DBI: variants seen among roughly 807,000 people sequenced by gnomAD.
The protein encoded by DBI is acyl-CoA-binding protein.
In DBI, 12 loss-of-function variants were observed where a neutral mutation model predicts 13.0. The ratio of observed to expected loss-of-function variants is 0.92; its 90% CI spans 0.59 to 1.49. The LOEUF (loss-of-function observed/expected upper bound fraction) is 1.49, where lower values mean the gene tolerates loss of function less well. Among genes scored for constraint, DBI ranks in the 40% most tolerant of loss-of-function variants. The pLI is 0.00. For missense variants in DBI, 95 were observed against 104.8 expected (o/e 0.91, Z 0.41); for synonymous variants, 37 against 37.4 (o/e 0.99, Z 0.04).
rs571330549 is a variant in DBI at position 119,367,625 on chromosome 2, A to T, written c.10-563A>T. 6 of 1,613,974 alleles carry T rather than the reference A, an allele frequency of 3.7e-6. No individual in the cohort carries two copies. The African/African-American group carries it at 8.0e-5, about 22-fold the overall frequency. ...TGGCTCCTCCCGCCTGCCTCTGCCA[A>T]TCCGGGCACTGGGACAGAGGTCGGT... On this transcript the variant is annotated intron_variant, in intron 1 of 3. Transcript: ENST00000355857.
chr2:119,368,190 T>C lies in DBI; in HGVS notation c.12T>C (p.Ala4=). The change falls in exon 2 of 4, where the codon GCT becomes GCC. Residue 4 remains alanine (A), a splice_region_variant and synonymous_variant. Coordinates refer to ENST00000355857, the MANE Select transcript of DBI (RefSeq NM_001079862.4). ...CCTCTCCTCTCCCTTCCATTTAGGCTGAGTTTGAGAAAGCTGCAGAGGAGG... is the reference window on the plus strand; with the variant it reads ...CCTCTCCTCTCCCTTCCATTTAGGCCGAGTTTGAGAAAGCTGCAGAGGAGG... MSQ[A]EFEKAAEEVR... The C allele has an allele frequency of 6.2e-7, 1 of 1,613,132 alleles. No homozygotes were observed. Among genetic ancestry groups the C allele is most frequent in the Non-Finnish European group, 8.5e-7 (1 of 1,179,708 alleles).
At chr2:119,367,312 G>A in intron 1 of DBI, 5 of 1,436,698 alleles carry the variant, frequency 3.5e-6, no homozygotes, top group Non-Finnish European at 3.6e-6. Flanking sequence ...TGTAGCGGGA[G>A]AGGGGTGGGA....
At chr2:119,370,619 C>T in intron 2 of DBI, 121 bp from the exon 3 acceptor site, 1 of 862,968 alleles carries the variant, frequency 1.2e-6, no homozygotes, top group Non-Finnish European at 1.8e-6. Flanking sequence ...ACCTATTTAA[C>T]CCCATGACAG....
chr2:119,372,353 C>G lies in DBI; in HGVS notation c.*35C>G. 6.7e-7 allele frequency: 1 copy of G among 1,502,388 alleles called. No homozygotes were observed. The highest frequency in any genetic ancestry group is 1.1e-5 in the South Asian group (1 of 88,542). The allele number at this position is 1,502,388 out of a possible 1,614,324, so 93.1% of individuals were successfully genotyped here. Reference sequence around the variant, plus strand: ...TTTGGTTACTGTGCCATGTGTTTATCCTAAACTGAGACAATGCCTTGTTTT... The same window carrying G: ...TTTGGTTACTGTGCCATGTGTTTATGCTAAACTGAGACAATGCCTTGTTTT... On this transcript the variant is annotated 3_prime_UTR_variant, in exon 4 of 4. Coordinates refer to ENST00000355857, the MANE Select transcript of DBI (RefSeq NM_001079862.4).
chr2:119,369,939 C>A (rs1681392147), intron 2 of DBI, among the ~76,000 whole-genome samples: 1 of 152,144 alleles, frequency 6.6e-6, no homozygotes, highest in African/African-American at 2.4e-5. Context: ...TGTACATTTC[C>A]ATTTCCACCG....
intron 1 of DBI, chr2:119,367,861 G>T: frequency 6.2e-7 from 1 of 1,613,996 alleles, no homozygotes; most frequent in Non-Finnish European, 8.5e-7. Context: ...CCGCAGAGGG[G>T]ACCCCCACTG....
At chr2:119,367,917 C>A in intron 1 of DBI, 1 of 1,614,256 alleles carries the variant, frequency 6.2e-7, no homozygotes, top group Non-Finnish European at 8.5e-7. Context: ...ATTTCCAGAC[C>A]TGATGCCTGC....
At position 119,372,297 on chromosome 2, in the gene DBI, A is replaced by C; in HGVS notation, c.243A>C (p.Leu81=). The C allele has an allele frequency of 6.2e-7, 1 of 1,613,454 alleles. No individual in the cohort carries two copies. The highest frequency in any genetic ancestry group is 8.5e-7 in the Non-Finnish European group (1 of 1,179,418). Residue 81 remains leucine, a synonymous_variant, in exon 4 of 4, where the codon CTA becomes CTC. Transcript: ENST00000355857. ...MKAYINKVEE[L]KKKYGI is the part of the protein sequence containing the mutation. ...CTTACATCAACAAAGTAGAAGAGCT[A>C]AAGAAAAAATACGGGATATGAGAGA...
intron 3 of DBI, among the ~76,000 whole-genome samples, 191 bp downstream of exon 3, chr2:119,370,993 A>G (rs1222941717): frequency 6.6e-6 from 1 of 152,226 alleles, no homozygotes; most frequent in Non-Finnish European, 1.5e-5. Context: ...GCCTTTTCTA[A>G]AAGCACCATC....
intron 2 of DBI, among the ~76,000 whole-genome samples, chr2:119,369,772 C>A (rs1441221650): frequency 6.6e-6 from 1 of 151,782 alleles, no homozygotes; most frequent in Non-Finnish European, 1.5e-5. Context: ...GGCAACAGAA[C>A]GAGACTCTGT....
intron 1 of DBI, 120 bp downstream of exon 1, chr2:119,367,180 C>T (rs912618051): frequency 1.2e-5 from 18 of 1,518,598 alleles, no homozygotes; most frequent in Admixed American, 2.2e-5. Context: ...TGCTCATGGG[C>T]CCATGCCTAG....
At chr2:119,370,510 G>A in intron 2 of DBI, 1 of 362,348 alleles carries the variant, frequency 2.8e-6, no homozygotes, top group Non-Finnish European at 4.9e-6. Flanking sequence ...TAAGACAAAG[G>A]CTATCTTGTA....
chr2:119,367,696 C>T lies in DBI; in HGVS notation c.10-492C>T, dbSNP rs543257818. The T allele has an allele frequency of 6.8e-6, 11 of 1,611,626 alleles. No homozygotes were observed. In the South Asian group the frequency reaches 7.7e-5, roughly 11 times the overall value. ...GGGGAGGGAGGGGACCAACGGGCTC[C>T]GGCGCTGACACCGCGGCACTCATGC... On this transcript the variant is annotated intron_variant, in intron 1 of 3. Coordinates refer to ENST00000355857, the MANE Select transcript of DBI (RefSeq NM_001079862.4).
rs1034269379 is a variant in DBI at position 119,367,110 on chromosome 2, C to T, written c.9+50C>T. 3.1e-6 allele frequency: 5 copies of T among 1,610,584 alleles called. No individual in the cohort carries two copies. The South Asian group carries it at 3.3e-5, about 11-fold the overall frequency. On this transcript the variant is annotated intron_variant, in intron 1 of 3. Transcript: ENST00000355857. ...GCGAAGGTGCAGCGGGCGGGAGGCC[C>T]GTTGGGGGCTCAGCCGGCTGCCAGA... is the stretch of plus-strand genomic sequence containing the variant.
At chr2:119,367,683 G>A in intron 1 of DBI, 1 of 1,612,806 alleles carries the variant, frequency 6.2e-7, no homozygotes, top group Non-Finnish European at 8.5e-7. Flanking sequence ...GGAGGGAGGG[G>A]ACCAACGGGC....
At chr2:119,369,797 A>T (rs1212930093) in intron 2 of DBI, among the ~76,000 whole-genome samples, 1 of 152,280 alleles carries the variant, frequency 6.6e-6, no homozygotes, top group East Asian at 1.9e-4. Flanking sequence ...AAAAAAAAAA[A>T]TTTTAACTGA....
At chr2:119,370,869 G>T in intron 3 of DBI, 67 bp downstream of exon 3, 1 of 1,435,730 alleles carries the variant, frequency 7.0e-7, no homozygotes, top group Non-Finnish European at 9.7e-7. Flanking sequence ...ATTATGAAGT[G>T]TAAGGGAAGA....
rs114971971 is a variant in DBI at position 119,369,025 on chromosome 2, G to A, written c.127+720G>A. On this transcript the variant is annotated intron_variant, in intron 2 of 3. Coordinates refer to ENST00000355857, the MANE Select transcript of DBI (RefSeq NM_001079862.4). ...GAAGGCGAGCATGGTCCCTATTTCC[G>A]CAGTAGCTGGGGTGGAAGATGGAGC... Among the ~76,000 whole-genome samples, 493 of 152,296 alleles carry A rather than the reference G, an allele frequency of 3.2e-3. 2 individuals carry two copies. The highest frequency in any genetic ancestry group is 0.011 in the African/African-American group (467 of 41,556).
chr2:119,372,376 T>C lies in DBI; in HGVS notation c.*58T>C. 7.6e-7 allele frequency: 1 copy of C among 1,319,054 alleles called. No individual in the cohort carries two copies. The highest frequency in any genetic ancestry group is 1.1e-6 in the Non-Finnish European group (1 of 912,554). The allele number at this position is 1,319,054 out of a possible 1,614,324, so 81.7% of individuals were successfully genotyped here. The stretch of plus-strand genomic sequence containing the variant: ...ATCCTAAACTGAGACAATGCCTTGT[T>C]TTTTTCTAATACCGTGGATGGTGGG... On this transcript the variant is annotated 3_prime_UTR_variant, in exon 4 of 4. Coordinates refer to ENST00000355857, the MANE Select transcript of DBI (RefSeq NM_001079862.4).
Sources: gnomAD v4.1 joint callset for allele counts (sites outside exome capture counted in the v4.1 genomes callset) on GRCh38, gnomAD v4.1.1 for gene constraint, MANE v1.5 for transcripts, NCBI Gene and HGNC (gene_info 2026-07-23, HGNC 2026-07-21) for gene names.